Variants in TMEM87B observed in about 807,000 individuals in gnomAD.
TMEM87B encodes the protein transmembrane protein 87B.
In TMEM87B, 83 loss-of-function variants were observed where a neutral mutation model predicts 80.3. The observed-to-expected ratio is 1.03, with a 90% CI of 0.87 to 1.24. The LOEUF is 1.24. Among genes scored for constraint, TMEM87B ranks in the 50% most tolerant of loss-of-function variants. TMEM87B has a pLI of 0.00. For missense variants in TMEM87B, 625 were observed against 674.4 expected, an observed-to-expected ratio of 0.93 and a Z score of 0.81; for synonymous variants, 219 against 230.5, an observed-to-expected ratio of 0.95 and a Z score of 0.45.
At chr2:112,072,467 G>C (rs1255283772) in intron 4 of TMEM87B, among the ~76,000 whole-genome samples, 1 of 152,138 alleles carries the variant, frequency 6.6e-6, no homozygotes, top group African/African-American at 2.4e-5. Flanking sequence ...GGTCTGTTCA[G>C]GGAATCAGTT....
Position 112,099,531 on chromosome 2 carries a change from T to C in TMEM87B, c.1376+833T>C, listed in dbSNP as rs968996934. Among the ~76,000 whole-genome samples the C allele has an allele frequency of 6.4e-3, 527 of 82,582 alleles. 2 individuals carry two copies. The highest frequency in any genetic ancestry group is 0.027 in the African/African-American group (498 of 18,406). 54.2% of individuals were successfully genotyped at this position (82,582 alleles called of 152,430 possible). A position where few individuals can be genotyped will look rare whatever the true frequency, so the allele number is the denominator to read the frequency against. ...TTAAAATTATACAATAATACATATA[T>C]ATATATATATATATATATATATATA... On this transcript the variant is annotated intron_variant, in intron 14 of 18. Coordinates refer to ENST00000283206, the MANE Select transcript of TMEM87B (RefSeq NM_032824.3).
intron 2 of TMEM87B, 90 bp from the exon 3 acceptor site, chr2:112,064,072 G>A: frequency 9.6e-7 from 1 of 1,041,624 alleles, no homozygotes. Flanking sequence ...CATTAAAGTA[G>A]CCTATTTTTA....
intron 11 of TMEM87B, among the ~76,000 whole-genome samples, chr2:112,094,585 G>T (rs369919541): frequency 1.3e-5 from 2 of 152,256 alleles, no homozygotes; most frequent in East Asian, 3.9e-4. Flanking sequence ...TTGAGTGGGG[G>T]TAATTTATTA....
At chr2:112,095,522 C>A in intron 11 of TMEM87B, 1 of 902,106 alleles carries the variant, frequency 1.1e-6, no homozygotes, top group Non-Finnish European at 1.3e-6. Context: ...TTTTTTAATC[C>A]TAGAAATTTG....
chr2:112,064,233 A>G lies in TMEM87B; in HGVS notation c.298A>G (p.Asn100Asp), dbSNP rs999086896. 9.9e-6 allele frequency: 16 copies of G among 1,613,596 alleles called. No homozygotes were observed. In the African/African-American group the frequency reaches 2.1e-4, roughly 22 times the overall value. Residue 100 changes from asparagine (N) to aspartate (D), a missense_variant, in exon 3 of 19, where the codon AAT (asparagine) becomes GAT (aspartate). Asn to Asp is a conservative substitution (Grantham distance 23, BLOSUM62 1). Transcript: ENST00000283206. The part of the protein sequence containing the change: ...VWHLKYHTCH[N>D]EHSNLEELFQ... ...GCATTTGAAGTATCATACCTGTCAC[A>G]ATGAGCATTCTAATCTGGAAGTAAG...
In TMEM87B at chr2:112,081,087, A is replaced by G; in HGVS notation, c.623A>G (p.Tyr208Cys). The G allele has an allele frequency of 6.2e-7, 1 of 1,612,958 alleles. No individual in the cohort carries two copies. The highest frequency in any genetic ancestry group is 8.5e-7 in the Non-Finnish European group (1 of 1,179,744). The change falls in exon 7 of 19, where the codon TAT becomes TGT. Residue 208 changes from tyrosine to cysteine, a missense_variant. By Grantham distance (194) the Tyr-to-Cys change is radical (BLOSUM62 -2). Coordinates refer to ENST00000283206, the MANE Select transcript of TMEM87B (RefSeq NM_032824.3). Reference sequence around the variant, plus strand: ...CTTTCTATGATTGGGCCTCATGGATATATCTCTGCATCAGATTGGCCCCTA... The same window carrying G: ...CTTTCTATGATTGGGCCTCATGGATGTATCTCTGCATCAGATTGGCCCCTA... The part of the protein sequence containing the change: ...VSLSMIGPHG[Y>C]ISASDWPLMI...
intron 6 of TMEM87B, among the ~76,000 whole-genome samples, chr2:112,078,282 G>A (rs371553828): frequency 5.3e-5 from 8 of 152,142 alleles, no homozygotes; most frequent in Non-Finnish European, 8.8e-5. Context: ...TTGAGGCTGC[G>A]ATGTCTAAGA....
At chr2:112,061,234 G>C (rs565835538) in intron 2 of TMEM87B, among the ~76,000 whole-genome samples, 1 of 152,232 alleles carries the variant, frequency 6.6e-6, no homozygotes, top group Admixed American at 6.5e-5. Context: ...TATTCATTGT[G>C]GCCCAATTCC....
chr2:112,077,957 T>C (rs1301018716), intron 6 of TMEM87B, among the ~76,000 whole-genome samples: 1 of 152,186 alleles, frequency 6.6e-6, no homozygotes, highest in Non-Finnish European at 1.5e-5. Context: ...GTGAGGGCCC[T>C]GGGGATTTGA....
chr2:112,106,106 A>C (rs1450037309), intron 16 of TMEM87B, 31 bp downstream of exon 16: 1 of 1,341,308 alleles, frequency 7.5e-7, no homozygotes, highest in East Asian at 2.6e-5. Flanking sequence ...GTACAATCTT[A>C]GTCTTCCTTA....
At chr2:112,099,938 A>T (rs1332900039) in intron 14 of TMEM87B, among the ~76,000 whole-genome samples, 1 of 151,696 alleles carries the variant, frequency 6.6e-6, no homozygotes, top group Non-Finnish European at 1.5e-5. Flanking sequence ...ATCAGCATGT[A>T]TAGATCTACC....
chr2:112,086,002 CA>C lies in TMEM87B; in HGVS notation c.839-2del, dbSNP rs752961465. ...TGAATTATTTTATTTTTTTCTTCCTCAGCCCAAGGCTTATTGATATTTGCGG... is the reference window on the plus strand; with the variant it reads ...TGAATTATTTTATTTTTTTCTTCCTCGCCCAAGGCTTATTGATATTTGCGG... On this transcript the variant is annotated splice_acceptor_variant, in intron 8 of 18. Coordinates refer to ENST00000283206, the MANE Select transcript of TMEM87B (RefSeq NM_032824.3). LOFTEE classifies it high-confidence loss of function. The C allele has an allele frequency of 6.2e-7, 1 of 1,611,020 alleles. No homozygotes were observed. Among genetic ancestry groups the C allele is most frequent in the East Asian group, 2.2e-5 (1 of 44,788 alleles).
At chr2:112,061,045 T>A (rs1678244195) in intron 2 of TMEM87B, among the ~76,000 whole-genome samples, 1 of 152,206 alleles carries the variant, frequency 6.6e-6, no homozygotes, top group South Asian at 2.1e-4. Flanking sequence ...CCTTGAAAAT[T>A]TTCAAAACGT....
intron 11 of TMEM87B, among the ~76,000 whole-genome samples, chr2:112,095,832 G>A (rs1397508662): frequency 6.6e-6 from 1 of 152,172 alleles, no homozygotes; most frequent in Non-Finnish European, 1.5e-5. Flanking sequence ...CATAAACAAA[G>A]CTTGTTGGTC....
At chr2:112,084,601 G>A (rs1038884294) in intron 8 of TMEM87B, among the ~76,000 whole-genome samples, 3 of 152,118 alleles carry the variant, frequency 2.0e-5, no homozygotes, top group African/African-American at 7.2e-5. Flanking sequence ...ATCTATCTTC[G>A]AGGCATTTGA....
In TMEM87B at chr2:112,090,301, C is replaced by T. The variant is rs111794560; in HGVS notation, c.1032+583C>T. ...AGAGAAGTATCAGTATTTATGTCTG[C>T]AAAGACCCCTAGATTTCTAGCTTCA... On this transcript the variant is annotated intron_variant, in intron 10 of 18. Transcript: ENST00000283206. 1.1e-3 allele frequency among the ~76,000 whole-genome samples: 161 copies of T among 152,272 alleles called. 1 individual carries two copies. Among genetic ancestry groups the T allele is most frequent in the African/African-American group, 3.6e-3 (148 of 41,552 alleles).
rs193270624 is a variant in TMEM87B at position 112,071,767 on chromosome 2, C to T, written c.451-3145C>T. On this transcript the variant is annotated intron_variant, in intron 4 of 18. Coordinates refer to ENST00000283206, the MANE Select transcript of TMEM87B (RefSeq NM_032824.3). ...ACTTCTTCTCTTCCTATTTGGGTGC[C>T]CTTTATTTCTTTCTCTTACTTGATT... 4.6e-3 allele frequency among the ~76,000 whole-genome samples: 697 copies of T among 152,164 alleles called. 5 individuals are homozygous for T. Among genetic ancestry groups the T allele is most frequent in the Middle Eastern group, 0.01 (3 of 294 alleles).
chr2:112,069,731 C>T (rs895390408), intron 4 of TMEM87B, among the ~76,000 whole-genome samples: 1 of 152,198 alleles, frequency 6.6e-6, no homozygotes, highest in Non-Finnish European at 1.5e-5. Context: ...CTTTTCAGCT[C>T]TTTGAGGAAT....
At chr2:112,094,678 A>C (rs960772253) in intron 11 of TMEM87B, among the ~76,000 whole-genome samples, 2 of 152,216 alleles carry the variant, frequency 1.3e-5, no homozygotes, top group African/African-American at 4.8e-5. Flanking sequence ...AACAGATGAA[A>C]GACTTAGTTT....
Sources: allele counts gnomAD v4.1 joint callset (sites outside exome capture counted in the v4.1 genomes callset), GRCh38; gene constraint gnomAD v4.1.1; transcripts MANE v1.5; gene names NCBI Gene and HGNC (gene_info 2026-07-23, HGNC 2026-07-21).